RTTN: variants seen among roughly 807,000 people sequenced by gnomAD.
RTTN encodes rotatin.
Under a neutral mutation model 269.2 loss-of-function variants are expected in RTTN, and 182 were observed. The observed-to-expected ratio is 0.68, with a 90% CI of 0.60 to 0.76. The LOEUF (loss-of-function observed/expected upper bound fraction) is 0.76, where lower values mean the gene tolerates loss of function less well. Among genes scored for constraint, RTTN ranks in the 30% least tolerant of loss-of-function variants. RTTN has a pLI of 0.00. For synonymous variants in RTTN, 1,006 were observed against 963.5 expected, an observed-to-expected ratio of 1.04 and a Z score of -0.82; for missense variants, 2,545 against 2,608.6, an observed-to-expected ratio of 0.98 and a Z score of 0.53.
intron 37 of RTTN, among the ~76,000 whole-genome samples, chr18:70,057,271 T>C (rs147889722): frequency 6.6e-6 from 1 of 152,258 alleles, no homozygotes; most frequent in Non-Finnish European, 1.5e-5. Context: ...ATTCTAGCTA[T>C]AGGCAAGAAT....
rs754147854 is a variant in RTTN at position 70,190,712 on chromosome 18, T to C, written c.1015A>G (p.Ser339Gly). The C allele has an allele frequency of 3.1e-6, 5 of 1,598,716 alleles. No individual in the cohort carries two copies. Among genetic ancestry groups the C allele is most frequent in the Non-Finnish European group, 4.3e-6 (5 of 1,167,342 alleles). The change falls in exon 9 of 49, where the codon AGT becomes GGT. Residue 339 changes from serine (S) to glycine (G), a missense_variant. Transcript: ENST00000640769. ...DWDAASSSGS[S>G]SHAHVNSRIS... Reference sequence around the variant, plus strand: ...CTGGAGTTTACATGAGCATGACTACTACTTCCACTGCAAGATAAACAAATG... The same window carrying C: ...CTGGAGTTTACATGAGCATGACTACCACTTCCACTGCAAGATAAACAAATG...
chr18:70,143,389 T>C (rs2060308689), intron 18 of RTTN, among the ~76,000 whole-genome samples: 1 of 152,138 alleles, frequency 6.6e-6, no homozygotes, highest in African/African-American at 2.4e-5. Context: ...ATGTGGTACA[T>C]ATACACCATA....
At chr18:70,120,132 C>G (rs1387819484) in intron 26 of RTTN, among the ~76,000 whole-genome samples, 1 of 152,062 alleles carries the variant, frequency 6.6e-6, no homozygotes, top group Non-Finnish European at 1.5e-5. Context: ...GGAAGGGGAA[C>G]TGATGGCTTT....
chr18:70,030,692 C>A (rs1022794267), intron 41 of RTTN, among the ~76,000 whole-genome samples, 184 bp downstream of exon 41: 1 of 152,056 alleles, frequency 6.6e-6, no homozygotes, highest in South Asian at 2.1e-4. Flanking sequence ...TATGTCTAAT[C>A]TTTTTATTTG....
chr18:70,163,998 T>G (rs2060918341), intron 14 of RTTN, among the ~76,000 whole-genome samples: 1 of 152,172 alleles, frequency 6.6e-6, no homozygotes, highest in African/African-American at 2.4e-5. Flanking sequence ...TCTACTTATA[T>G]GAGTTACCTA....
At chr18:70,187,980 G>A (rs2061584617) in intron 10 of RTTN, 128 bp downstream of exon 10, 1 of 623,522 alleles carries the variant, frequency 1.6e-6, no homozygotes, top group African/African-American at 1.9e-5. Flanking sequence ...TATAACATAA[G>A]CCTGGGACAT....
chr18:70,100,435 T>C (rs1033795901), intron 28 of RTTN, among the ~76,000 whole-genome samples: 3 of 152,280 alleles, frequency 2.0e-5, no homozygotes, highest in Admixed American at 6.5e-5. Context: ...TTTTGTATCC[T>C]GCGACTTTGC....
At chr18:70,151,049 A>C (rs889666389) in intron 14 of RTTN, among the ~76,000 whole-genome samples, 2 of 151,292 alleles carry the variant, frequency 1.3e-5, no homozygotes, top group Non-Finnish European at 2.9e-5. Context: ...ACTTATCCTA[A>C]GGTGTTTGCA....
intron 24 of RTTN, chr18:70,128,103 G>C: frequency 2.3e-6 from 1 of 431,558 alleles, no homozygotes; most frequent in Non-Finnish European, 4.1e-6. Context: ...TCATATCTAC[G>C]AACAAATCAG....
At chr18:70,161,191 C>A (rs557814989) in intron 14 of RTTN, among the ~76,000 whole-genome samples, 3 of 152,074 alleles carry the variant, frequency 2.0e-5, no homozygotes, top group South Asian at 4.2e-4. Context: ...AAAAATATAG[C>A]CAGACACCTA....
intron 3 of RTTN, among the ~76,000 whole-genome samples, chr18:70,203,495 G>A (rs749397650): frequency 2.0e-5 from 3 of 152,080 alleles, no homozygotes; most frequent in African/African-American, 7.2e-5. Flanking sequence ...TGCCCAGCCC[G>A]GTGTTCTTTC....
intron 10 of RTTN, among the ~76,000 whole-genome samples, chr18:70,178,108 C>T (rs955551413): frequency 1.3e-5 from 2 of 152,086 alleles, no homozygotes; most frequent in African/African-American, 2.4e-5. Flanking sequence ...GGAGGCCGGA[C>T]GCGATGGCTC....
At position 70,109,518 on chromosome 18, in the gene RTTN, A is replaced by G. The variant is rs201800329; in HGVS notation, c.3883T>C (p.Tyr1295His). ...CTTACCTCAAGGAGACCTGACAAGTACTTCACACAGATATCTAGAGGCTTT... is the reference window on the plus strand; with the variant it reads ...CTTACCTCAAGGAGACCTGACAAGTGCTTCACACAGATATCTAGAGGCTTT... ...LTKPLDICVKYLSGLLEVITS... is the reference protein window; with the variant it reads ...LTKPLDICVKHLSGLLEVITS... Residue 1295 changes from tyrosine (Y) to histidine (H), a missense_variant, in exon 28 of 49, where the codon TAC becomes CAC. Coordinates refer to ENST00000640769, the MANE Select transcript of RTTN (RefSeq NM_173630.4). 5 of 1,614,094 alleles carry G rather than the reference A, an allele frequency of 3.1e-6. No homozygotes were observed. The East Asian group carries it at 1.1e-4, about 36-fold the overall frequency.
At chr18:70,021,056 A>G in intron 44 of RTTN, 1 of 388,828 alleles carries the variant, frequency 2.6e-6, no homozygotes, top group Non-Finnish European at 4.6e-6. Flanking sequence ...TTTTAAAAAA[A>G]GAATAAAATA....
chr18:70,080,005 C>CT (rs2058521756), intron 32 of RTTN, among the ~76,000 whole-genome samples: 1 of 151,658 alleles, frequency 6.6e-6, no homozygotes, highest in South Asian at 2.1e-4. Context: ...AAAAATGACC[C>CT]TAAATACATT....
chr18:70,115,539 G>A (rs1339267788), intron 26 of RTTN, among the ~76,000 whole-genome samples: 1 of 151,094 alleles, frequency 6.6e-6, no homozygotes, highest in Admixed American at 6.6e-5. Flanking sequence ...AAGATAGTAA[G>A]ATTTCATTTG....
intron 37 of RTTN, among the ~76,000 whole-genome samples, chr18:70,054,493 A>G (rs2144840480): frequency 6.6e-6 from 1 of 152,310 alleles, no homozygotes; most frequent in Non-Finnish European, 1.5e-5. Flanking sequence ...TATACACCAA[A>G]CAAAGCAATG....
At chr18:70,123,436 C>T (rs1320182628) in intron 25 of RTTN, among the ~76,000 whole-genome samples, 1 of 151,994 alleles carries the variant, frequency 6.6e-6, no homozygotes, top group Non-Finnish European at 1.5e-5. Flanking sequence ...GAACTCATTC[C>T]TCTTGTCTAA....
Position 70,185,188 on chromosome 18 carries a change from C to T in RTTN, c.1305+2920G>A, listed in dbSNP as rs751069313. On this transcript the variant is annotated intron_variant, in intron 10 of 48. Coordinates refer to ENST00000640769, the MANE Select transcript of RTTN (RefSeq NM_173630.4). ...TTCATTCCTTACCTTGTGCTAGATA[C>T]AAAAATCAACTCAAAATTAATCAAA... 9.4e-4 allele frequency among the ~76,000 whole-genome samples: 143 copies of T among 151,666 alleles called. 1 individual carries two copies. The highest frequency in any genetic ancestry group is 1.9e-3 in the Non-Finnish European group (131 of 67,864).
Sources: gnomAD v4.1 joint callset for allele counts (sites outside exome capture counted in the v4.1 genomes callset) on GRCh38, gnomAD v4.1.1 for gene constraint, MANE v1.5 for transcripts, NCBI Gene and HGNC (gene_info 2026-07-23, HGNC 2026-07-21) for gene names.